GRID2: variants seen among roughly 807,000 people sequenced by gnomAD.
GRID2 encodes the protein glutamate receptor ionotropic, delta-2.
GRID2 carries 33 observed loss-of-function variants against 114.8 expected under a neutral mutation model. The ratio of observed to expected loss-of-function variants is 0.29; its 90% confidence interval spans 0.22 to 0.38. The LOEUF is 0.38. Ranked by LOEUF, GRID2 falls within the 10% of genes least tolerant of loss-of-function variation. GRID2 has a pLI of 1.00. For synonymous variants in GRID2, 505 were observed against 449.9 expected, an observed-to-expected ratio of 1.12 and a Z score of -1.55; for missense variants, 1,184 against 1,257.7, an observed-to-expected ratio of 0.94 and a Z score of 0.89.
chr4:93,775,287 G>A (rs945751055), downstream of GRID2, among the ~76,000 whole-genome samples: 44 of 152,184 alleles, frequency 2.9e-4, 8 homozygotes, highest in Admixed American at 2.8e-3. Flanking sequence ...CTAAGATGCT[G>A]TGATATGCCC....
chr4:93,346,954 CT>C (rs1760302879), intron 8 of GRID2, among the ~76,000 whole-genome samples: 1 of 152,130 alleles, frequency 6.6e-6, no homozygotes, highest in African/African-American at 2.4e-5. Flanking sequence ...CATTGGTATG[CT>C]TGCCTTCCAA....
intron 1 of GRID2, among the ~76,000 whole-genome samples, chr4:92,391,734 C>T (rs1474875581): frequency 6.6e-6 from 1 of 152,210 alleles, no homozygotes; most frequent in Admixed American, 6.5e-5. Context: ...GATCTTCTCA[C>T]TAACTTGATC....
rs182030045 is a variant in GRID2 at position 92,908,789 on chromosome 4, C to T, written c.245-176206C>T. 4.1e-3 allele frequency among the ~76,000 whole-genome samples: 630 copies of T among 152,204 alleles called. 7 individuals are homozygous for T. The highest frequency in any genetic ancestry group is 0.014 in the African/African-American group (594 of 41,534). ...AATATTTATGAACAGACATACTTTT[C>T]TTTTAGCACGTCAACAGAGTTGTTA... On this transcript the variant is annotated intron_variant, in intron 2 of 15. Transcript: ENST00000282020.
At chr4:93,336,963 C>A in intron 8 of GRID2, among the ~76,000 whole-genome samples, 2 of 134,728 alleles carry the variant, frequency 1.5e-5, no homozygotes, top group East Asian at 3.9e-4. Flanking sequence ...GATGTGGCAT[C>A]CAAAAATTAT....
chr4:92,336,656 C>G (rs1385420312), intron 1 of GRID2, among the ~76,000 whole-genome samples: 2 of 152,272 alleles, frequency 1.3e-5, no homozygotes, highest in Non-Finnish European at 2.9e-5. Flanking sequence ...AAATCTGTAT[C>G]TTACTATTTG....
chr4:93,698,376 A>C (rs1323179621), intron 14 of GRID2, among the ~76,000 whole-genome samples: 1 of 152,080 alleles, frequency 6.6e-6, no homozygotes, highest in Non-Finnish European at 1.5e-5. Flanking sequence ...AATAAACCAT[A>C]TTTATCCACA....
intron 13 of GRID2, among the ~76,000 whole-genome samples, chr4:93,540,600 G>A (rs560874020): frequency 1.1e-4 from 16 of 152,246 alleles, no homozygotes; most frequent in Non-Finnish European, 2.4e-4. Context: ...CAGAAGAGCT[G>A]GACTATGGTG....
rs1267465630 is a variant in GRID2, at chr4:93,774,349, A to T, written c.*1851A>T. ...ATTTTAAAACAAAAAAATCTTTACA[A>T]CAAGCTATATAGGGACATACCAGAT... On this transcript the variant is annotated 3_prime_UTR_variant, in exon 16 of 16. Transcript: ENST00000282020. 1 of 152,114 alleles carries T rather than the reference A, an allele frequency of 6.6e-6. No homozygotes were observed. Among genetic ancestry groups the T allele is most frequent in the African/African-American group, 2.4e-5 (1 of 41,444 alleles). 9.4% of individuals were successfully genotyped at this position (152,114 alleles called of 1,614,324 possible). A position where few individuals can be genotyped will look rare whatever the true frequency, so the allele number is the denominator to read the frequency against.
chr4:93,262,575 A>G (rs781756855), intron 8 of GRID2, among the ~76,000 whole-genome samples: 1 of 151,984 alleles, frequency 6.6e-6, no homozygotes, highest in Non-Finnish European at 1.5e-5. Flanking sequence ...TTGTCTAATT[A>G]TATAAACTTA....
intron 1 of GRID2, among the ~76,000 whole-genome samples, chr4:92,382,691 G>T (rs538053544): frequency 6.6e-6 from 1 of 152,034 alleles, no homozygotes; most frequent in Non-Finnish European, 1.5e-5. Context: ...AGAAAGGGAT[G>T]ACCCTTATTT....
intron 2 of GRID2, among the ~76,000 whole-genome samples, chr4:92,745,273 A>T (rs1737093004): frequency 6.6e-6 from 1 of 152,222 alleles, no homozygotes; most frequent in African/African-American, 2.4e-5. Context: ...TCTTTAAAAA[A>T]TTACTTACAT....
chr4:93,578,578 G>GTTTTTTTTTTTTTTTTT (rs1736640253), intron 13 of GRID2, among the ~76,000 whole-genome samples: 1 of 129,856 alleles, frequency 7.7e-6, no homozygotes, highest in African/African-American at 3.2e-5. Context: ...ACCTTGTCTT[G>GTTTTTTTTTTTTTTTTT]TTTTTTGTAT....
At chr4:92,309,278 A>C (rs1217771469) in intron 1 of GRID2, among the ~76,000 whole-genome samples, 2 of 152,022 alleles carry the variant, frequency 1.3e-5, no homozygotes, top group East Asian at 3.8e-4. Flanking sequence ...TTGCAATTTC[A>C]AAAGCACACT....
intron 1 of GRID2, among the ~76,000 whole-genome samples, chr4:92,575,869 G>C (rs1293973351): frequency 6.6e-6 from 1 of 152,224 alleles, no homozygotes; most frequent in East Asian, 1.9e-4. Context: ...AATTAGAACT[G>C]TTGGCTCTTG....
At position 93,133,982 on chromosome 4, in the gene GRID2, C is replaced by T. The variant is rs1579082199; in HGVS notation, c.735+23029C>T. Among the ~76,000 whole-genome samples the T allele has an allele frequency of 3.3e-5, 5 of 152,276 alleles. No individual in the cohort carries two copies. In the South Asian group the frequency reaches 6.2e-4, roughly 19 times the overall value. On this transcript the variant is annotated intron_variant, in intron 4 of 15. Transcript: ENST00000282020. ...ACTGAAAAAGAAGAATGCATAGTCT[C>T]ACTTTTAGGGTGAATAAAATGTAAT... is the stretch of plus-strand genomic sequence containing the variant.
intron 2 of GRID2, among the ~76,000 whole-genome samples, chr4:92,727,145 G>A (rs1047853702): frequency 6.6e-6 from 1 of 151,934 alleles, no homozygotes; most frequent in Non-Finnish European, 1.5e-5. Flanking sequence ...TGTATATACA[G>A]ACATTCAGTC....
chr4:92,369,927 T>A (rs889286581), intron 1 of GRID2, among the ~76,000 whole-genome samples: 4 of 152,210 alleles, frequency 2.6e-5, no homozygotes, highest in African/African-American at 9.6e-5. Flanking sequence ...TATATATTTA[T>A]GTAGCAAACA....
In GRID2 at chr4:92,670,384, T is replaced by A. The variant is rs529958902; in HGVS notation, c.244+80098T>A. On this transcript the variant is annotated intron_variant, in intron 2 of 15. Transcript: ENST00000282020. Reference sequence around the variant, plus strand: ...TGCAGTGGCTTTGGGAACTTTTTTTTAAACTGATTTAATGATAAGATTCCA... The same window carrying A: ...TGCAGTGGCTTTGGGAACTTTTTTTAAAACTGATTTAATGATAAGATTCCA... Among the ~76,000 whole-genome samples, 75 of 152,146 alleles carry A rather than the reference T, an allele frequency of 4.9e-4. No homozygotes were observed. In the South Asian group the frequency reaches 5.2e-3, roughly 10 times the overall value.
At chr4:93,482,669 T>G (rs912500942) in intron 11 of GRID2, among the ~76,000 whole-genome samples, 1 of 151,882 alleles carries the variant, frequency 6.6e-6, no homozygotes, top group African/African-American at 2.4e-5. Flanking sequence ...ACCTGCACAT[T>G]CTGCACGTGT....
Sources: gnomAD v4.1 joint callset for allele counts (sites outside exome capture counted in the v4.1 genomes callset) on GRCh38, gnomAD v4.1.1 for gene constraint, MANE v1.5 for transcripts, NCBI Gene and HGNC (gene_info 2026-07-23, HGNC 2026-07-21) for gene names.